AP2A1: variants seen among roughly 807,000 people sequenced by gnomAD.
AP2A1 encodes the protein adaptor related protein complex 2 subunit alpha 1, also known as AP-2 complex subunit alpha-1.
Under a neutral mutation model 107.3 loss-of-function variants are expected in AP2A1, and 21 were observed. That is an observed-to-expected ratio of 0.20 (90% CI 0.14 to 0.28). The LOEUF (loss-of-function observed/expected upper bound fraction) is 0.28. Ranked by LOEUF, AP2A1 falls within the 10% of genes least tolerant of loss-of-function variation. The pLI, the probability that AP2A1 is intolerant of heterozygous loss-of-function variation, is 1.00. For missense variants in AP2A1, 873 were observed against 1,307.7 expected, an observed-to-expected ratio of 0.67 and a Z score of 5.13; for synonymous variants, 602 against 564.8, an observed-to-expected ratio of 1.07 and a Z score of -0.93.
Position 49,779,487 on chromosome 19 carries a change from C to CAAAA in AP2A1, c.68-2249_68-2246dup, listed in dbSNP as rs370114853. On this transcript the variant is annotated intron_variant, in intron 1 of 22. Transcript: ENST00000354293. ...CACCACTGCACTCCAGCCTGGGCTA[C>CAAAA]AAAAAAAAAAAAAAAAAAAAAAAAC... is the stretch of plus-strand genomic sequence containing the variant. 3.7e-3 allele frequency among the ~76,000 whole-genome samples: 306 copies of CAAAA among 83,324 alleles called. 4 individuals are homozygous for CAAAA. The highest frequency in any genetic ancestry group is 5.7e-3 in the African/African-American group (115 of 20,000). 54.7% of individuals were successfully genotyped at this position (83,324 alleles called of 152,430 possible).
In AP2A1 at chr19:49,795,525, T is replaced by C. The variant is rs2073200847; in HGVS notation, c.706-105T>C. The C allele has an allele frequency of 6.7e-6, 5 of 745,246 alleles. No individual in the cohort carries two copies. In the South Asian group the frequency reaches 7.9e-5, roughly 12 times the overall value. 46.2% of individuals were successfully genotyped at this position (745,246 alleles called of 1,614,324 possible). A position where few individuals can be genotyped will look rare whatever the true frequency, so the allele number is the denominator to read the frequency against. On this transcript the variant is annotated intron_variant, in intron 6 of 22. Transcript: ENST00000354293. ...AACCCACTAACAAAACCATTAACAC[T>C]GACAGCACTGCCCTTGGAAGGCACC...
chr19:49,800,009 C>G lies in AP2A1; in HGVS notation c.1314C>G (p.Asp438Glu). ...VAILAEKYAV[D>E]YSWYVDTILN... ...TCCTGGCCGAGAAGTACGCCGTGGA[C>G]TACAGCTGGTACGTGGACACCATCC... The change falls in exon 11 of 23, where the codon GAC becomes GAG. Residue 438 changes from aspartate to glutamate, a missense_variant. Physicochemically the swap from Asp to Glu is conservative, Grantham distance 45 (BLOSUM62 2). Transcript: ENST00000354293. The G allele has an allele frequency of 1.2e-6, 2 of 1,614,036 alleles. No homozygotes were observed. Among genetic ancestry groups the G allele is most frequent in the Non-Finnish European group, 1.7e-6 (2 of 1,179,864 alleles).
intron 1 of AP2A1, among the ~76,000 whole-genome samples, chr19:49,778,032 GAT>G (rs1425808050): frequency 6.6e-6 from 1 of 150,436 alleles, no homozygotes; most frequent in African/African-American, 2.4e-5. Flanking sequence ...AAGTACATAT[GAT>G]ATATATTTCT....
At chr19:49,794,393 G>A (rs1216745691) in intron 6 of AP2A1, among the ~76,000 whole-genome samples, 2 of 151,098 alleles carry the variant, frequency 1.3e-5, no homozygotes, top group African/African-American at 4.9e-5. Context: ...TGTAGAGATC[G>A]GTCTTGCTTT....
intron 13 of AP2A1, 24 bp downstream of exon 13, chr19:49,801,645 C>CCCCCCCCAGTG: frequency 1.3e-6 from 2 of 1,546,698 alleles, no homozygotes; most frequent in Non-Finnish European, 1.7e-6. Flanking sequence ...CCCCCCACCC[C>CCCCCCCCAGTG]ACCCCTCTTG....
rs2073258408 is a variant in AP2A1 at position 49,800,006 on chromosome 19, G to A, written c.1311G>A (p.Val437=). 6.2e-7 allele frequency: 1 copy of A among 1,614,016 alleles called. No individual in the cohort carries two copies. Among genetic ancestry groups the A allele is most frequent in the Non-Finnish European group, 8.5e-7 (1 of 1,179,866 alleles). Residue 437 remains valine (V), a synonymous_variant, in exon 11 of 23, where the codon GTG becomes GTA. Coordinates refer to ENST00000354293, the MANE Select transcript of AP2A1 (RefSeq NM_130787.3). Reference sequence around the variant, plus strand: ...CCATCCTGGCCGAGAAGTACGCCGTGGACTACAGCTGGTACGTGGACACCA... The same window carrying A: ...CCATCCTGGCCGAGAAGTACGCCGTAGACTACAGCTGGTACGTGGACACCA... ...KVAILAEKYA[V]DYSWYVDTIL...
intron 5 of AP2A1, 70 bp downstream of exon 5, chr19:49,792,134 C>A: frequency 1.3e-6 from 2 of 1,498,208 alleles, no homozygotes; most frequent in African/African-American, 2.9e-5. Context: ...CCTGGATGCC[C>A]GGGGCTCCCA....
intron 1 of AP2A1, among the ~76,000 whole-genome samples, chr19:49,771,511 C>T (rs930463543): frequency 7.9e-4 from 120 of 151,668 alleles, no homozygotes; most frequent in African/African-American, 2.6e-3. Context: ...CAGGTTCAAG[C>T]GATTCTCCTG....
Position 49,801,008 on chromosome 19 carries a change from C to T in AP2A1, c.1503C>T (p.Gly501=), listed in dbSNP as rs1179195475. 2 of 1,608,198 alleles carry T rather than the reference C, an allele frequency of 1.2e-6. No homozygotes were observed. The highest frequency in any genetic ancestry group is 1.7e-6 in the Non-Finnish European group (2 of 1,177,594). Residue 501 remains glycine (G), a synonymous_variant, in exon 12 of 23, where the codon GGC becomes GGT. Coordinates refer to ENST00000354293, the MANE Select transcript of AP2A1 (RefSeq NM_130787.3). ...ACGAGAACATGGTGAAGGTTGGCGG[C>T]TACATCCTTGGGGAGTTTGGGAACC... ...ACHENMVKVG[G]YILGEFGNLI...
chr19:49,769,007 T>C (rs143349510), intron 1 of AP2A1, among the ~76,000 whole-genome samples: 44 of 152,304 alleles, frequency 2.9e-4, no homozygotes, highest in Middle Eastern at 3.4e-3. Flanking sequence ...CCCAGCACTT[T>C]GGGGGGCCGA....
intron 15 of AP2A1, 158 bp downstream of exon 15, chr19:49,802,299 C>T: frequency 1.2e-6 from 1 of 831,048 alleles, no homozygotes; most frequent in Non-Finnish European, 2.0e-6. Flanking sequence ...CCTCCCCTGC[C>T]CCAGCCTCCC....
At chr19:49,772,333 C>T (rs1458164612) in intron 1 of AP2A1, among the ~76,000 whole-genome samples, 1 of 138,158 alleles carries the variant, frequency 7.2e-6, no homozygotes, top group African/African-American at 2.7e-5. Flanking sequence ...GATCTCCGCT[C>T]ACTGCAAGCT....
rs898885299 is a variant in AP2A1, at chr19:49,787,296, T to C, written c.473+4572T>C. Among the ~76,000 whole-genome samples the C allele has an allele frequency of 4.0e-5, 6 of 150,324 alleles. No individual in the cohort carries two copies. In the East Asian group the frequency reaches 1.2e-3, roughly 30 times the overall value. On this transcript the variant is annotated intron_variant, in intron 4 of 22. Transcript: ENST00000354293. The stretch of plus-strand genomic sequence containing the variant: ...CCTCAGCCTCCCAAAGTGTTGGGAT[T>C]ACAGGTGTGAGCCACCACTCCCATC...
chr19:49,775,701 C>T (rs1391084820), intron 1 of AP2A1, among the ~76,000 whole-genome samples: 1 of 152,134 alleles, frequency 6.6e-6, no homozygotes, highest in Non-Finnish European at 1.5e-5. Flanking sequence ...TTGCACCCAG[C>T]CTTCAGAAGG....
intron 22 of AP2A1, 156 bp downstream of exon 22, chr19:49,806,409 G>A: frequency 7.0e-7 from 1 of 1,436,572 alleles, no homozygotes; most frequent in Non-Finnish European, 9.1e-7. Context: ...TTATCTATCA[G>A]TTTAATCTCC....
chr19:49,774,596 G>A (rs1477402487), intron 1 of AP2A1, among the ~76,000 whole-genome samples: 2 of 151,354 alleles, frequency 1.3e-5, no homozygotes, highest in Non-Finnish European at 2.9e-5. Flanking sequence ...GTCCACGCCC[G>A]GCATATGTTG....
intron 1 of AP2A1, among the ~76,000 whole-genome samples, chr19:49,771,998 G>A (rs1202378764): frequency 2.6e-5 from 4 of 152,130 alleles, no homozygotes; most frequent in African/African-American, 9.7e-5. Flanking sequence ...AGGAGGTGGA[G>A]GCAGAAGGAT....
Position 49,805,789 on chromosome 19 carries a change from G to A in AP2A1, c.2585+12G>A. 6.2e-7 allele frequency: 1 copy of A among 1,607,526 alleles called. No individual in the cohort carries two copies. The highest frequency in any genetic ancestry group is 1.1e-5 in the South Asian group (1 of 90,282). ...AAGCAGCTGAGCCTGTGAGGGGTGGGGAGGGGGCGGAGCCAAAGCCGCGCC... is the reference window on the plus strand; with the variant it reads ...AAGCAGCTGAGCCTGTGAGGGGTGGAGAGGGGGCGGAGCCAAAGCCGCGCC... On this transcript the variant is annotated intron_variant, in intron 20 of 22. Coordinates refer to ENST00000354293, the MANE Select transcript of AP2A1 (RefSeq NM_130787.3).
Position 49,802,140 on chromosome 19 carries a change from A to G in AP2A1, c.2113A>G (p.Ser705Gly). Reference protein sequence around the residue: ...LGPTPEEAFLSPGPEDIGPPI... With the variant: ...LGPTPEEAFLGPGPEDIGPPI... ...GCCCACCCCCGAGGAGGCCTTCCTC[A>G]GGTAGCACCCCCTGGGCCCGGGCCC... is the stretch of plus-strand genomic sequence containing the variant. The change falls in exon 15 of 23, where the codon AGC becomes GGC. Residue 705 changes from serine (S) to glycine (G), a missense_variant and splice_region_variant. By Grantham distance (56) the Ser-to-Gly change is moderately conservative (BLOSUM62 0). Transcript: ENST00000354293. The G allele has an allele frequency of 6.4e-7, 1 of 1,553,358 alleles. No individual in the cohort carries two copies. Among genetic ancestry groups the G allele is most frequent in the Non-Finnish European group, 8.6e-7 (1 of 1,157,478 alleles).
Sources: allele counts gnomAD v4.1 joint callset (sites outside exome capture counted in the v4.1 genomes callset), GRCh38; gene constraint gnomAD v4.1.1; transcripts MANE v1.5; gene names NCBI Gene and HGNC (gene_info 2026-07-23, HGNC 2026-07-21).